Variants in THSD7A observed in about 807,000 individuals in gnomAD.
THSD7A encodes the protein thrombospondin type-1 domain-containing protein 7A.
In THSD7A, 96 loss-of-function variants were observed where a neutral mutation model predicts 231.3. That is an observed-to-expected ratio of 0.41 (90% CI 0.35 to 0.49). THSD7A has a LOEUF of 0.49. THSD7A is among the 20% of genes least tolerant of loss of function. The pLI is 0.05. For synonymous variants in THSD7A, 940 were observed against 743.3 expected (o/e 1.26, Z -4.30); for missense variants, 2,290 against 2,070.2 (o/e 1.11, Z -2.06).
intron 2 of THSD7A, among the ~76,000 whole-genome samples, chr7:11,611,859 T>TATC (rs1303539099): frequency 2.4e-4 from 36 of 150,980 alleles, no homozygotes; most frequent in African/African-American, 7.6e-4. Flanking sequence ...TCTATCTATC[T>TATC]ATCTATCTAT....
At chr7:11,559,522 T>C (rs948786834) in intron 4 of THSD7A, among the ~76,000 whole-genome samples, 2 of 139,948 alleles carry the variant, frequency 1.4e-5, no homozygotes, top group African/African-American at 5.2e-5. Context: ...TATAAATCCA[T>C]ATATATATAT....
At chr7:11,619,898 CCTTT>C (rs1250238728) in intron 2 of THSD7A, among the ~76,000 whole-genome samples, 1 of 152,044 alleles carries the variant, frequency 6.6e-6, no homozygotes, top group Non-Finnish European at 1.5e-5. Flanking sequence ...ATTTTATTGT[CCTTT>C]CTTAAAAATT....
Position 11,790,461 on chromosome 7 carries a change from A to G in THSD7A, c.190+41296T>C, listed in dbSNP as rs1214850327. Among the ~76,000 whole-genome samples the G allele has an allele frequency of 1.3e-5, 2 of 152,002 alleles. 1 individual carries two copies. Among genetic ancestry groups the G allele is most frequent in the Admixed American group, 1.3e-4 (2 of 15,232 alleles). On this transcript the variant is annotated intron_variant, in intron 1 of 27. Coordinates refer to ENST00000423059, the MANE Select transcript of THSD7A (RefSeq NM_015204.3). ...TCTTTAAATTTTTATATGTTGGTTCATTAAATGTTTTAGCACAACAGGAAG... is the reference window on the plus strand; with the variant it reads ...TCTTTAAATTTTTATATGTTGGTTCGTTAAATGTTTTAGCACAACAGGAAG...
intron 17 of THSD7A, among the ~76,000 whole-genome samples, chr7:11,414,379 T>C (rs1231245090): frequency 3.3e-5 from 5 of 152,252 alleles, no homozygotes; most frequent in African/African-American, 9.6e-5. Flanking sequence ...TGCACATGCA[T>C]ACTCTTTGTT....
At chr7:11,722,892 A>G (rs1050295071) in intron 1 of THSD7A, among the ~76,000 whole-genome samples, 3 of 151,980 alleles carry the variant, frequency 2.0e-5, no homozygotes, top group Non-Finnish European at 4.4e-5. Flanking sequence ...CTGTAAACTA[A>G]TTCAACCATT....
chr7:11,447,332 G>C lies in THSD7A; in HGVS notation c.2698C>G (p.Gln900Glu), dbSNP rs748007024. The change falls in exon 12 of 28, where the codon CAG becomes GAG. Residue 900 changes from glutamine to glutamate, a missense_variant. Physicochemically the swap from Gln to Glu is conservative, Grantham distance 29. Transcript: ENST00000423059. ...GPVPALTQAC[Q>E]IPCQDDCQLT... ...TGACAGTCATCCTGGCAGGGGATCT[G>C]GCAGGCCTGGGTAAGGGCTGGCACA... is the stretch of plus-strand genomic sequence containing the variant. 2 of 1,612,780 alleles carry C rather than the reference G, an allele frequency of 1.2e-6. No individual in the cohort carries two copies. Among genetic ancestry groups the C allele is most frequent in the South Asian group, 2.2e-5 (2 of 91,000 alleles).
At chr7:11,476,496 T>A (rs1786188762) in intron 7 of THSD7A, among the ~76,000 whole-genome samples, 1 of 152,114 alleles carries the variant, frequency 6.6e-6, no homozygotes, top group Admixed American at 6.6e-5. Context: ...TGTGTATTGA[T>A]AATAGATTAT....
chr7:11,631,967 C>T (rs1781673089), intron 2 of THSD7A, among the ~76,000 whole-genome samples: 1 of 152,060 alleles, frequency 6.6e-6, no homozygotes, highest in South Asian at 2.1e-4. Flanking sequence ...GAGGGTTTGC[C>T]CTTGGCTGGG....
chr7:11,671,698 C>G lies in THSD7A; in HGVS notation c.191-34737G>C, dbSNP rs915276621. On this transcript the variant is annotated intron_variant, in intron 1 of 27. Transcript: ENST00000423059. ...GTATTAAAAGCATATACAGAAGTTT[C>G]AATTAAGAATGTATTTCTGGTTATC... Among the ~76,000 whole-genome samples the G allele has an allele frequency of 4.3e-4, 66 of 152,106 alleles. 1 individual carries two copies. Among genetic ancestry groups the G allele is most frequent in the Admixed American group, 3.4e-3 (52 of 15,272 alleles).
chr7:11,765,584 G>T (rs893053862), intron 1 of THSD7A, among the ~76,000 whole-genome samples: 1 of 151,982 alleles, frequency 6.6e-6, no homozygotes, highest in Non-Finnish European at 1.5e-5. Context: ...TTTGACTATC[G>T]CCAACTTAAA....
At chr7:11,606,538 A>G (rs1179376765) in intron 2 of THSD7A, among the ~76,000 whole-genome samples, 1 of 152,176 alleles carries the variant, frequency 6.6e-6, no homozygotes, top group Non-Finnish European at 1.5e-5. Context: ...TTATCTGTAA[A>G]CAAAAGCCAT....
At chr7:11,735,872 T>C (rs1438278869) in intron 1 of THSD7A, among the ~76,000 whole-genome samples, 2 of 151,914 alleles carry the variant, frequency 1.3e-5, no homozygotes, top group Admixed American at 1.3e-4. Flanking sequence ...GACATACACA[T>C]GAAAATATTC....
intron 24 of THSD7A, among the ~76,000 whole-genome samples, chr7:11,380,762 T>G (rs969351959): frequency 1.1e-4 from 16 of 152,180 alleles, no homozygotes; most frequent in Non-Finnish European, 1.9e-4. Context: ...TCATCTCTCC[T>G]AAAAGATGAA....
intron 1 of THSD7A, among the ~76,000 whole-genome samples, chr7:11,753,967 A>G (rs967996757): frequency 1.3e-5 from 2 of 152,030 alleles, no homozygotes; most frequent in Admixed American, 6.6e-5. Flanking sequence ...CAGACACACT[A>G]TGGAAAGGAC....
chr7:11,716,629 G>C (rs867213373), intron 1 of THSD7A, among the ~76,000 whole-genome samples: 5 of 151,270 alleles, frequency 3.3e-5, no homozygotes, highest in Admixed American at 6.6e-5. Context: ...CTATACAGTA[G>C]GGGTTTTTTT....
At chr7:11,402,201 A>G (rs1783430136) in intron 22 of THSD7A, among the ~76,000 whole-genome samples, 1 of 152,202 alleles carries the variant, frequency 6.6e-6, no homozygotes. Flanking sequence ...AATGATATCA[A>G]AGGTAAATTG....
intron 1 of THSD7A, among the ~76,000 whole-genome samples, chr7:11,711,040 C>T (rs868712423): frequency 6.6e-6 from 1 of 150,818 alleles, no homozygotes; most frequent in Non-Finnish European, 1.5e-5. Flanking sequence ...AAGGAAAATG[C>T]ATATTATGTC....
chr7:11,464,830 C>T (rs2128299245), intron 9 of THSD7A, among the ~76,000 whole-genome samples: 1 of 152,208 alleles, frequency 6.6e-6, no homozygotes. Context: ...TATGTTTTTA[C>T]CCATTGGCAG....
rs749163601 is a variant in THSD7A at position 11,373,262 on chromosome 7, C to G, written c.*2532G>C. 1 of 151,742 alleles carries G rather than the reference C, an allele frequency of 6.6e-6. No homozygotes were observed. The highest frequency in any genetic ancestry group is 2.4e-5 in the African/African-American group (1 of 41,312). 9.4% of individuals were successfully genotyped at this position (151,742 alleles called of 1,614,324 possible). ...ATATAGCTTTAGTAGGTATTCTATCCCACATTTCAAAATTAATAGGTGTTG... is the reference window on the plus strand; with the variant it reads ...ATATAGCTTTAGTAGGTATTCTATCGCACATTTCAAAATTAATAGGTGTTG... On this transcript the variant is annotated 3_prime_UTR_variant, in exon 28 of 28. Coordinates refer to ENST00000423059, the MANE Select transcript of THSD7A (RefSeq NM_015204.3).
Sources: allele counts gnomAD v4.1 joint callset (sites outside exome capture counted in the v4.1 genomes callset), GRCh38; gene constraint gnomAD v4.1.1; transcripts MANE v1.5; gene names NCBI Gene and HGNC (gene_info 2026-07-23, HGNC 2026-07-21).